WWC1: variants seen among roughly 807,000 people sequenced by gnomAD.
WWC1 encodes the protein protein KIBRA.
WWC1 carries 55 observed loss-of-function variants against 138.4 expected under a neutral mutation model. The observed-to-expected ratio is 0.40, with a 90% CI of 0.32 to 0.50. The LOEUF is 0.50. WWC1 is among the 20% of genes least tolerant of loss of function. The pLI is 0.72. For missense variants in WWC1, 1,226 were observed against 1,420.4 expected (o/e 0.86, Z 2.20); for synonymous variants, 524 against 564.9 (o/e 0.93, Z 1.03).
At chr5:168,331,581 A>G (rs1040625613) in intron 1 of WWC1, among the ~76,000 whole-genome samples, 2 of 152,224 alleles carry the variant, frequency 1.3e-5, no homozygotes, top group African/African-American at 4.8e-5. Context: ...TTGCACGTTA[A>G]TATCTTCGAA....
intron 1 of WWC1, among the ~76,000 whole-genome samples, chr5:168,305,128 ATT>A (rs35062575): frequency 0.13 from 17,827 of 136,164 alleles, 1,228 homozygotes; most frequent in Admixed American, 0.23. Context: ...CTGGCCCAGT[ATT>A]TTTTTTTTTT....
chr5:168,393,464 A>G (rs1327065211), intron 3 of WWC1, among the ~76,000 whole-genome samples: 1 of 152,250 alleles, frequency 6.6e-6, no homozygotes, highest in African/African-American at 2.4e-5. Flanking sequence ...CCATGGTGCA[A>G]TGCCCTCAGG....
intron 1 of WWC1, among the ~76,000 whole-genome samples, chr5:168,342,776 A>C (rs1324385580): frequency 1.3e-5 from 2 of 152,186 alleles, no homozygotes; most frequent in Non-Finnish European, 2.9e-5. Flanking sequence ...ACTGGGATCC[A>C]CTGGAAAGTC....
intron 15 of WWC1, among the ~76,000 whole-genome samples, chr5:168,438,278 G>A (rs548800468): frequency 6.6e-6 from 1 of 152,212 alleles, no homozygotes; most frequent in South Asian, 2.1e-4. Context: ...TTGTGGGAGG[G>A]ACCTGGTGGG....
chr5:168,467,443 A>G (rs886202427), intron 21 of WWC1, among the ~76,000 whole-genome samples: 2 of 152,222 alleles, frequency 1.3e-5, no homozygotes, highest in Non-Finnish European at 2.9e-5. Flanking sequence ...GAACTACTGC[A>G]TGGCTTGGGA....
chr5:168,446,304 G>A lies in WWC1; in HGVS notation c.2525+1719G>A, dbSNP rs999993405. 8.0e-5 allele frequency among the ~76,000 whole-genome samples: 11 copies of A among 137,980 alleles called. No homozygotes were observed. In the South Asian group the frequency reaches 1.2e-3, roughly 15 times the overall value. 90.5% of individuals were successfully genotyped at this position (137,980 alleles called of 152,430 possible). On this transcript the variant is annotated intron_variant, in intron 17 of 22. Coordinates refer to ENST00000265293, the MANE Select transcript of WWC1 (RefSeq NM_015238.3). Reference sequence around the variant, plus strand: ...GCAATGTTGAAGACATGCTATTGCCGAAGAGAGACTTTCTCCCTGATGTAA... The same window carrying A: ...GCAATGTTGAAGACATGCTATTGCCAAAGAGAGACTTTCTCCCTGATGTAA...
At chr5:168,313,870 A>T (rs1329200782) in intron 1 of WWC1, among the ~76,000 whole-genome samples, 1 of 152,240 alleles carries the variant, frequency 6.6e-6, no homozygotes, top group Non-Finnish European at 1.5e-5. Flanking sequence ...TTCGCAGCTT[A>T]TTCCCAGAGC....
At position 168,455,446 on chromosome 5, in the gene WWC1, C is replaced by A. The variant is rs772723681; in HGVS notation, c.2749C>A (p.Pro917Thr). Residue 917 changes from proline to threonine, a missense_variant, in exon 19 of 23, where the codon CCA becomes ACA. By Grantham distance (38) the Pro-to-Thr change is conservative. Around this residue, in one of 3 missense-constraint regions of WWC1, gnomAD observed 1,016 missense variants for 1,153.9 expected, o/e 0.88. Coordinates refer to ENST00000265293, the MANE Select transcript of WWC1 (RefSeq NM_015238.3). ...DRRVGTPSQG[P>T]FLRGSTIIRS... is the part of the protein sequence containing the mutation. ...GAGAGTGGGCACCCCGTCCCAGGGG[C>A]CATTTCTTCGAGGGAGCACCATCAT... 2 of 1,612,648 alleles carry A rather than the reference C, an allele frequency of 1.2e-6. No individual in the cohort carries two copies. Among genetic ancestry groups the A allele is most frequent in the South Asian group, 2.2e-5 (2 of 90,670 alleles).
Position 168,406,258 on chromosome 5 carries a change from C to T in WWC1, c.651C>T (p.Val217=). 1 of 1,614,042 alleles carries T rather than the reference C, an allele frequency of 6.2e-7. No homozygotes were observed. The highest frequency in any genetic ancestry group is 8.5e-7 in the Non-Finnish European group (1 of 1,179,982). ...ACAAACTGGATGAAGCTCAGGCTGT[C>T]TTGAGAGAAACAAAAGCCATCAAAA... ...GSYKLDEAQA[V]LRETKAIKKA... The change falls in exon 6 of 23, where the codon GTC becomes GTT. Residue 217 remains valine (V), a synonymous_variant. Transcript: ENST00000265293.
At chr5:168,377,249 C>T (rs1279231835) in intron 2 of WWC1, among the ~76,000 whole-genome samples, 1 of 152,082 alleles carries the variant, frequency 6.6e-6, no homozygotes, top group Non-Finnish European at 1.5e-5. Context: ...AAAACTGGAC[C>T]CCTACCTTTT....
chr5:168,381,166 T>C (rs368388168), intron 2 of WWC1, among the ~76,000 whole-genome samples: 3 of 152,168 alleles, frequency 2.0e-5, no homozygotes, highest in East Asian at 1.9e-4. Flanking sequence ...TCTATTCTTA[T>C]TGGTTTACAA....
At position 168,453,996 on chromosome 5, in the gene WWC1, G is replaced by T; in HGVS notation, c.2554G>T (p.Ala852Ser). The T allele has an allele frequency of 6.2e-7, 1 of 1,610,854 alleles. No individual in the cohort carries two copies. Among genetic ancestry groups the T allele is most frequent in the African/African-American group, 1.4e-5 (1 of 73,326 alleles). Residue 852 changes from alanine to serine, a missense_variant, in exon 18 of 23, where the codon GCA (alanine) becomes TCA (serine). Transcript: ENST00000265293. ...GTATGAGGAGACCAGTGAGAATGAG[G>T]CAGTAGCCGAGGAAGAGGAGGAGGA... ...WRYEETSENEAVAEEEEEEVE... is the reference protein window; with the variant it reads ...WRYEETSENESVAEEEEEEVE...
intron 1 of WWC1, among the ~76,000 whole-genome samples, chr5:168,327,278 C>T (rs976468215): frequency 2.6e-5 from 4 of 152,194 alleles, no homozygotes; most frequent in African/African-American, 9.6e-5. Flanking sequence ...CTCATTCTTT[C>T]ATTTACCTCT....
At chr5:168,406,170 C>T (rs1188110333) in intron 5 of WWC1, 28 bp from the exon 6 acceptor site, 2 of 1,612,046 alleles carry the variant, frequency 1.2e-6, no homozygotes, top group South Asian at 2.2e-5. Context: ...CTATCTAAGG[C>T]TGACCTTTCC....
At chr5:168,294,223 G>C (rs899767683) in intron 1 of WWC1, among the ~76,000 whole-genome samples, 1 of 152,102 alleles carries the variant, frequency 6.6e-6, no homozygotes, top group Non-Finnish European at 1.5e-5. Flanking sequence ...GAACTGATTG[G>C]CTGGAGCACA....
chr5:168,437,265 C>G (rs1420059041), intron 15 of WWC1, among the ~76,000 whole-genome samples: 2 of 152,162 alleles, frequency 1.3e-5, no homozygotes, highest in Non-Finnish European at 2.9e-5. Flanking sequence ...TAGCCCCTTT[C>G]CCTGTAGTAT....
chr5:168,401,490 C>G (rs1427876596), intron 5 of WWC1, among the ~76,000 whole-genome samples: 1 of 152,198 alleles, frequency 6.6e-6, no homozygotes, highest in African/African-American at 2.4e-5. Context: ...TGTCTATCTC[C>G]AAGCCCTATT....
chr5:168,429,137 CCATCT>C (rs1306199276), intron 13 of WWC1, among the ~76,000 whole-genome samples: 4 of 152,140 alleles, frequency 2.6e-5, no homozygotes, highest in African/African-American at 9.7e-5. Context: ...TCTTTCCATC[CCATCT>C]AGGTTTCATT....
At chr5:168,388,256 A>C (rs76476028) in intron 3 of WWC1, among the ~76,000 whole-genome samples, 2,271 of 152,124 alleles carry the variant, frequency 0.015, 61 homozygotes, top group African/African-American at 0.051. Flanking sequence ...ACAAATCCAT[A>C]ATATGGATTA....
Sources: gnomAD v4.1 joint callset for allele counts (sites outside exome capture counted in the v4.1 genomes callset) on GRCh38, gnomAD v4.1.1 for gene constraint, gnomAD v4.1.1 regional missense constraint, MANE v1.5 for transcripts, NCBI Gene and HGNC (gene_info 2026-07-23, HGNC 2026-07-21) for gene names.